NRXN1: variants seen among roughly 807,000 people sequenced by gnomAD.
The protein encoded by NRXN1 is neurexin-1.
NRXN1 carries 39 observed loss-of-function variants against 150.9 expected under a neutral mutation model. The ratio of observed to expected loss-of-function variants is 0.26; its 90% CI spans 0.20 to 0.34. NRXN1 has a LOEUF of 0.34. NRXN1 is among the 10% of genes least tolerant of loss of function. The pLI is 1.00. For missense variants in NRXN1, 1,815 were observed against 1,949.9 expected (o/e 0.93, Z 1.30); for synonymous variants, 924 against 757.0 (o/e 1.22, Z -3.62).
chr2:50,968,179 C>A (rs1156263440), intron 2 of NRXN1, among the ~76,000 whole-genome samples: 1 of 152,018 alleles, frequency 6.6e-6, no homozygotes, highest in Non-Finnish European at 1.5e-5. Context: ...TGACTGTCTC[C>A]TGCACAAAGG....
chr2:50,757,775 G>A (rs963922012), intron 5 of NRXN1, among the ~76,000 whole-genome samples: 6 of 151,698 alleles, frequency 4.0e-5, no homozygotes, highest in South Asian at 4.2e-4. Context: ...CTCAAGAGAG[G>A]AGGTAACATT....
chr2:49,940,440 T>C (rs1007581421), intron 22 of NRXN1, among the ~76,000 whole-genome samples: 3 of 152,218 alleles, frequency 2.0e-5, no homozygotes, highest in African/African-American at 4.8e-5. Flanking sequence ...TTATATTATT[T>C]TATGTTTGCA....
At chr2:50,550,582 G>A (rs973344593) in intron 9 of NRXN1, among the ~76,000 whole-genome samples, 2 of 151,854 alleles carry the variant, frequency 1.3e-5, no homozygotes, top group African/African-American at 2.4e-5. Context: ...ATCTCTGGCA[G>A]AGATAGGCTG....
intron 18 of NRXN1, among the ~76,000 whole-genome samples, chr2:50,132,269 A>G (rs1396240199): frequency 6.6e-6 from 1 of 150,528 alleles, no homozygotes; most frequent in Non-Finnish European, 1.5e-5. Context: ...ATGCTGTGTC[A>G]TACGTTTCTT....
At chr2:50,474,839 C>CCCCAAAAAAAAAAAAA (rs1558795095) in intron 15 of NRXN1, among the ~76,000 whole-genome samples, 1 of 108,852 alleles carries the variant, frequency 9.2e-6, no homozygotes, top group African/African-American at 3.6e-5. Flanking sequence ...GCCCCCCTAC[C>CCCCAAAAAAAAAAAAA]AAAAAAAAAA....
chr2:50,773,564 T>C lies in NRXN1; in HGVS notation c.832+148305A>G, dbSNP rs376785812. On this transcript the variant is annotated intron_variant, in intron 5 of 22. Transcript: ENST00000401669. ...ATCAATAAGAGCTGAATATGAAACATTGGTGCAGTGCACTAGCTAAGTTCA... is the reference window on the plus strand; with the variant it reads ...ATCAATAAGAGCTGAATATGAAACACTGGTGCAGTGCACTAGCTAAGTTCA... 5.3e-5 allele frequency among the ~76,000 whole-genome samples: 8 copies of C among 152,136 alleles called. 1 individual carries two copies. Among genetic ancestry groups the C allele is most frequent in the African/African-American group, 9.7e-5 (4 of 41,432 alleles).
intron 15 of NRXN1, among the ~76,000 whole-genome samples, chr2:50,479,276 G>A (rs764807036): frequency 6.6e-6 from 1 of 152,046 alleles, no homozygotes; most frequent in Non-Finnish European, 1.5e-5. Flanking sequence ...CTCCATCCTT[G>A]CTTGTGGTAT....
rs34350062 is a variant in NRXN1 at position 50,128,983 on chromosome 2, C to CGATAAATAAATA, written c.3547-37490_3547-37489insTATTTATTTATC. ...GAGCGACAAGAGTGAGACTCCATCT[C>CGATAAATAAATA]AATAAATAAATAAATAAATAAATAA... On this transcript the variant is annotated intron_variant, in intron 18 of 22. Coordinates refer to ENST00000401669, the MANE Select transcript of NRXN1 (RefSeq NM_001330078.2). Among the ~76,000 whole-genome samples, 410 of 146,902 alleles carry CGATAAATAAATA rather than the reference C, an allele frequency of 2.8e-3. 2 individuals are homozygous for CGATAAATAAATA. Among genetic ancestry groups the CGATAAATAAATA allele is most frequent in the African/African-American group, 8.4e-3 (329 of 39,282 alleles).
chr2:49,936,905 T>C (rs1671143745), intron 22 of NRXN1, among the ~76,000 whole-genome samples: 1 of 152,122 alleles, frequency 6.6e-6, no homozygotes, highest in African/African-American at 2.4e-5. Flanking sequence ...ACTAATTTTG[T>C]TGAATAAAAA....
At chr2:50,919,926 T>C (rs1230109138) in intron 5 of NRXN1, 3 of 276,376 alleles carry the variant, frequency 1.1e-5, no homozygotes, top group African/African-American at 2.3e-5. Context: ...TTTCATTTCC[T>C]TGTTATATGA....
At chr2:50,495,879 G>A (rs746774667) in intron 15 of NRXN1, 26 bp downstream of exon 15, 11 of 1,550,070 alleles carry the variant, frequency 7.1e-6, no homozygotes, top group South Asian at 2.5e-5. Context: ...TGCAAGGCTC[G>A]TTGCTCTGAC....
intron 19 of NRXN1, among the ~76,000 whole-genome samples, chr2:50,090,516 T>G (rs1332330196): frequency 6.6e-6 from 1 of 152,096 alleles, no homozygotes; most frequent in Non-Finnish European, 1.5e-5. Context: ...CAGTAAAATA[T>G]CTTTATACTT....
At chr2:50,273,540 AT>A (rs2069991749) in intron 17 of NRXN1, among the ~76,000 whole-genome samples, 1 of 152,090 alleles carries the variant, frequency 6.6e-6, no homozygotes, top group African/African-American at 2.4e-5. Context: ...TGCAAATCTC[AT>A]TTTTACAGTC....
intron 17 of NRXN1, among the ~76,000 whole-genome samples, chr2:50,450,825 C>CA (rs576940954): frequency 6.6e-4 from 101 of 152,216 alleles, no homozygotes; most frequent in African/African-American, 2.3e-3. Flanking sequence ...GCTTTTAGCA[C>CA]AAAAAATATC....
At chr2:50,578,387 C>T (rs1428407729) in intron 8 of NRXN1, among the ~76,000 whole-genome samples, 1 of 152,084 alleles carries the variant, frequency 6.6e-6, no homozygotes, top group Non-Finnish European at 1.5e-5. Flanking sequence ...ATTTGTACAG[C>T]AAGCCCATAA....
intron 21 of NRXN1, among the ~76,000 whole-genome samples, chr2:49,979,255 C>T (rs547095177): frequency 5.9e-5 from 9 of 152,260 alleles, no homozygotes; most frequent in South Asian, 4.1e-4. Flanking sequence ...CAAGATCATG[C>T]CACTGCACTC....
intron 5 of NRXN1, among the ~76,000 whole-genome samples, chr2:50,902,478 T>G (rs1683096285): frequency 6.6e-6 from 1 of 152,212 alleles, no homozygotes; most frequent in African/African-American, 2.4e-5. Flanking sequence ...AGAAATCATT[T>G]TAGCTTATCT....
At chr2:50,854,262 T>C (rs753253987) in intron 5 of NRXN1, among the ~76,000 whole-genome samples, 7 of 152,068 alleles carry the variant, frequency 4.6e-5, no homozygotes, top group Non-Finnish European at 1.0e-4. Flanking sequence ...GAAGTCAAAA[T>C]GGTATTTCAC....
At chr2:50,680,678 G>C (rs1690251970) in intron 5 of NRXN1, among the ~76,000 whole-genome samples, 1 of 151,430 alleles carries the variant, frequency 6.6e-6, no homozygotes, top group African/African-American at 2.4e-5. Context: ...ATATAGGATA[G>C]AAATGAGCAG....
Sources: gnomAD v4.1 joint callset for allele counts (sites outside exome capture counted in the v4.1 genomes callset) on GRCh38, gnomAD v4.1.1 for gene constraint, MANE v1.5 for transcripts, NCBI Gene and HGNC (gene_info 2026-07-23, HGNC 2026-07-21) for gene names.